Variants in BATF2 observed in about 807,000 individuals in gnomAD.
The protein encoded by BATF2 is basic leucine zipper transcriptional factor ATF-like 2.
Under a neutral mutation model 7.3 loss-of-function variants are expected in BATF2, and 4 were observed. That is an observed-to-expected ratio of 0.55 (90% CI 0.27 to 1.26). The LOEUF is 1.26. Ranked by LOEUF, BATF2 falls within the 50% of genes most tolerant of loss-of-function variation. The pLI, the probability that BATF2 is intolerant of heterozygous loss-of-function variation, is 0.11. For synonymous variants in BATF2, 152 were observed against 153.9 expected, an observed-to-expected ratio of 0.99 and a Z score of 0.09; for missense variants, 295 against 340.5, an observed-to-expected ratio of 0.87 and a Z score of 1.05.
rs1179391145 is a variant in BATF2 at position 64,989,915 on chromosome 11, C to A, written c.142-103G>T. 1.4e-6 allele frequency: 2 copies of A among 1,457,860 alleles called. No individual in the cohort carries two copies. Among genetic ancestry groups the A allele is most frequent in the South Asian group, 1.2e-5 (1 of 81,928 alleles). 90.3% of individuals were successfully genotyped at this position (1,457,860 alleles called of 1,614,324 possible). A position where few individuals can be genotyped will look rare whatever the true frequency, so the allele number is the denominator to read the frequency against. On this transcript the variant is annotated intron_variant, in intron 2 of 2. Transcript: ENST00000301887. This position sits in a 1 kb window ranked among gnomAD's most constrained non-coding sequence, Gnocchi z 4.3. ...GGTCCTCAACTTCAGGAGAAAGATG[C>A]CACCACCATTGGAATAGCCAAGTGG...
chr11:64,993,135 A>C (rs1293327266), intron 2 of BATF2, among the ~76,000 whole-genome samples: 1 of 152,176 alleles, frequency 6.6e-6, no homozygotes, highest in Non-Finnish European at 1.5e-5. Flanking sequence ...TGAGGCGGGC[A>C]GATCACTTAA....
In BATF2 at chr11:64,989,930, T is replaced by C; in HGVS notation, c.142-118A>G. 1 of 1,439,982 alleles carries C rather than the reference T, an allele frequency of 6.9e-7. No homozygotes were observed. The highest frequency in any genetic ancestry group is 1.4e-5 in the African/African-American group (1 of 70,722). 89.2% of individuals were successfully genotyped at this position (1,439,982 alleles called of 1,614,324 possible). On this transcript the variant is annotated intron_variant, in intron 2 of 2. Transcript: ENST00000301887. The surrounding 1 kb of genome is among the most constrained non-coding windows in gnomAD (Gnocchi z 4.3). Reference sequence around the variant, plus strand: ...GAGAAAGATGCCACCACCATTGGAATAGCCAAGTGGGGTCTCTTGGCCACT... The same window carrying C: ...GAGAAAGATGCCACCACCATTGGAACAGCCAAGTGGGGTCTCTTGGCCACT...
At chr11:64,994,765 T>C (rs1454791834) in intron 1 of BATF2, among the ~76,000 whole-genome samples, 2 of 152,186 alleles carry the variant, frequency 1.3e-5, no homozygotes, top group Non-Finnish European at 2.9e-5. Context: ...TCACCGCTCA[T>C]GTGGAGGGTG....
At chr11:64,990,569 G>A (rs1946067992) in intron 2 of BATF2, 1 of 1,061,124 alleles carries the variant, frequency 9.4e-7, no homozygotes, top group Non-Finnish European at 1.1e-6. Flanking sequence ...CTGTTCTGCT[G>A]AACGCCGGTT....
chr11:64,996,853 G>A (rs761019039), intron 1 of BATF2, 23 bp downstream of exon 1: 78 of 1,611,640 alleles, frequency 4.8e-5, no homozygotes, highest in Middle Eastern at 1.6e-4. Flanking sequence ...TCTCATCCCC[G>A]ATCCCCAATC....
chr11:64,989,860 G>A lies in BATF2; in HGVS notation c.142-48C>T. 6.2e-7 allele frequency: 1 copy of A among 1,602,498 alleles called. No individual in the cohort carries two copies. The highest frequency in any genetic ancestry group is 8.5e-7 in the Non-Finnish European group (1 of 1,173,458). ...GGAGGGGAACCTCAGCCAGTGTCAG[G>A]GGCCCCGCATGAGCCTTAGCCCCTT... On this transcript the variant is annotated intron_variant, in intron 2 of 2. Transcript: ENST00000301887. The surrounding 1 kb of genome is among the most constrained non-coding windows in gnomAD (Gnocchi z 4.3).
chr11:64,992,415 C>A (rs1002511709), intron 2 of BATF2, among the ~76,000 whole-genome samples: 2 of 152,108 alleles, frequency 1.3e-5, no homozygotes, highest in African/African-American at 4.8e-5. Context: ...GCTATGGACT[C>A]TATTGTGTTC....
At chr11:64,995,730 C>T (rs562767210) in intron 1 of BATF2, among the ~76,000 whole-genome samples, 1 of 152,262 alleles carries the variant, frequency 6.6e-6, no homozygotes, top group Admixed American at 6.5e-5. Context: ...AGGGTAAGGA[C>T]CTCAGGCAAG....
At position 64,989,623 on chromosome 11, in the gene BATF2, G is replaced by T; in HGVS notation, c.331C>A (p.Pro111Thr). 1 of 1,611,022 alleles carries T rather than the reference G, an allele frequency of 6.2e-7. No individual in the cohort carries two copies. Among genetic ancestry groups the T allele is most frequent in the Non-Finnish European group, 8.5e-7 (1 of 1,178,884 alleles). Residue 111 changes from proline (P) to threonine (T), a missense_variant, in exon 3 of 3, where the codon CCA becomes ACA. Coordinates refer to ENST00000301887, the MANE Select transcript of BATF2 (RefSeq NM_138456.4). The surrounding 1 kb of genome is among the most constrained non-coding windows in gnomAD (Gnocchi z 4.3). ...TCCCGGCAGCCATGTTGTCCCTGTG[G>T]GCCAGGGCCCAGGAGCCCCTCAGCC... is the stretch of plus-strand genomic sequence containing the variant. ...DQAEGLLGPGPQGQHGCREQL... is the reference protein window; with the variant it reads ...DQAEGLLGPGTQGQHGCREQL...
intron 2 of BATF2, 71 bp downstream of exon 2, chr11:64,994,377 G>T: frequency 7.0e-7 from 1 of 1,422,484 alleles, no homozygotes; most frequent in South Asian, 1.2e-5. Flanking sequence ...CTCAAAGGTG[G>T]GATGGAGAAG....
chr11:64,990,225 T>C, intron 2 of BATF2: 2 of 1,535,252 alleles, frequency 1.3e-6, no homozygotes, highest in South Asian at 2.4e-5. Flanking sequence ...CAGGCCTGTG[T>C]AGTGGCTGCA....
intron 2 of BATF2, among the ~76,000 whole-genome samples, chr11:64,991,551 A>T (rs150700434): frequency 3.3e-5 from 5 of 152,202 alleles, no homozygotes; most frequent in Non-Finnish European, 7.3e-5. Flanking sequence ...TCACTCACTC[A>T]TTCATTTATT....
At position 64,989,937 on chromosome 11, in the gene BATF2, G is replaced by A. The variant is rs1946061674; in HGVS notation, c.142-125C>T. On this transcript the variant is annotated intron_variant, in intron 2 of 2. Coordinates refer to ENST00000301887, the MANE Select transcript of BATF2 (RefSeq NM_138456.4). This position sits in a 1 kb window ranked among gnomAD's most constrained non-coding sequence, Gnocchi z 4.3. ...ATGCCACCACCATTGGAATAGCCAA[G>A]TGGGGTCTCTTGGCCACTCTCTGGC... 2.1e-6 allele frequency: 3 copies of A among 1,436,154 alleles called. No homozygotes were observed. The highest frequency in any genetic ancestry group is 2.9e-6 in the Non-Finnish European group (3 of 1,045,952). The allele number at this position is 1,436,154 out of a possible 1,614,324, so 89.0% of individuals were successfully genotyped here.
At chr11:64,990,575 C>T (rs1375023381) in intron 2 of BATF2, 4 of 1,053,666 alleles carry the variant, frequency 3.8e-6, no homozygotes, top group East Asian at 1.5e-4. Context: ...TGCTGAACGC[C>T]GGTTCTGAGA....
chr11:64,994,515 T>C lies in BATF2; in HGVS notation c.74A>G (p.Gln25Arg). The C allele has an allele frequency of 1.2e-6, 2 of 1,604,554 alleles. No homozygotes were observed. The highest frequency in any genetic ancestry group is 1.7e-6 in the Non-Finnish European group (2 of 1,175,646). ...TCGCTGGGCGGCTGCCCGGTTCTTC[T>C]GCTTCTTCAGCTGCCTTTGTTGCTC... Reference protein sequence around the residue: ...PKEQQRQLKKQKNRAAAQRSR... With the variant: ...PKEQQRQLKKRKNRAAAQRSR... The change falls in exon 2 of 3, where the codon CAG becomes CGG. Residue 25 changes from glutamine (Q) to arginine (R), a missense_variant. Coordinates refer to ENST00000301887, the MANE Select transcript of BATF2 (RefSeq NM_138456.4).
In BATF2 at chr11:64,988,168, T is replaced by C. The variant is rs1946038384; in HGVS notation, c.*961A>G. 6.6e-6 allele frequency: 1 copy of C among 152,240 alleles called. No homozygotes were observed. Among genetic ancestry groups the C allele is most frequent in the Admixed American group, 6.6e-5 (1 of 15,256 alleles). The allele number at this position is 152,240 out of a possible 1,614,324, so 9.4% of individuals were successfully genotyped here. A position where few individuals can be genotyped will look rare whatever the true frequency, so the allele number is the denominator to read the frequency against. ...CCAAAACTGAACTTCCACCCGGTCA[T>C]GGGCCCTGCTCTTCCTGCTGTCAGC... On this transcript the variant is annotated 3_prime_UTR_variant, in exon 3 of 3. Transcript: ENST00000301887.
At position 64,989,060 on chromosome 11, in the gene BATF2, G is replaced by T; in HGVS notation, c.*69C>A. 6.5e-7 allele frequency: 1 copy of T among 1,541,402 alleles called. No individual in the cohort carries two copies. The highest frequency in any genetic ancestry group is 9.0e-7 in the Non-Finnish European group (1 of 1,114,972). ...CAGGGCAGCACCCAGTAGTGAGGGA[G>T]GAGAGGCCCGTGTGCTAAGGCTGCT... is the stretch of plus-strand genomic sequence containing the variant. On this transcript the variant is annotated 3_prime_UTR_variant, in exon 3 of 3. Transcript: ENST00000301887. This position sits in a 1 kb window ranked among gnomAD's most constrained non-coding sequence, Gnocchi z 4.3.
chr11:64,994,904 A>G (rs1946100197), intron 1 of BATF2, among the ~76,000 whole-genome samples: 1 of 152,020 alleles, frequency 6.6e-6, no homozygotes, highest in South Asian at 2.1e-4. Context: ...GGAGTAGTGC[A>G]GCGGCTCTAT....
intron 1 of BATF2, among the ~76,000 whole-genome samples, chr11:64,995,486 C>T (rs1246032521): frequency 6.6e-6 from 1 of 152,194 alleles, no homozygotes; most frequent in Non-Finnish European, 1.5e-5. Context: ...AATCCCTGCC[C>T]TGAAATTGCT....
Sources: gnomAD v4.1 joint callset for allele counts (sites outside exome capture counted in the v4.1 genomes callset) on GRCh38, gnomAD v4.1.1 for gene constraint, Gnocchi (gnomAD v3.1) non-coding constraint, MANE v1.5 for transcripts, NCBI Gene and HGNC (gene_info 2026-07-23, HGNC 2026-07-21) for gene names.